The following ATAD1 variants were observed in gnomAD, a reference collection of about 807,000 sequenced individuals.
ATAD1 encodes ATPase family AAA domain containing 1.
ATAD1 carries 18 observed loss-of-function variants against 42.7 expected under a neutral mutation model. The observed-to-expected ratio is 0.42, with a 90% CI of 0.29 to 0.63. ATAD1 has a LOEUF of 0.63. ATAD1 is among the 20% of genes least tolerant of loss of function. The pLI is 0.19. For synonymous variants in ATAD1, 132 were observed against 143.1 expected, an observed-to-expected ratio of 0.92 and a Z score of 0.55; for missense variants, 294 against 440.4, an observed-to-expected ratio of 0.67 and a Z score of 2.98.
upstream of ATAD1, among the ~76,000 whole-genome samples, chr10:87,821,721 G>T (rs755825757): frequency 1.3e-5 from 2 of 152,186 alleles, no homozygotes; most frequent in Non-Finnish European, 2.9e-5. Flanking sequence ...GAAGGTGTCT[G>T]TCTGCAAGCC....
intron 9 of ATAD1, 110 bp downstream of exon 9, chr10:87,756,679 A>G: frequency 9.1e-7 from 1 of 1,095,426 alleles, no homozygotes; most frequent in Non-Finnish European, 1.2e-6. Context: ...ATCCAAATTT[A>G]CCTTTTATTT....
chr10:87,783,843 T>A (rs1356718259), intron 5 of ATAD1, among the ~76,000 whole-genome samples: 1 of 151,630 alleles, frequency 6.6e-6, no homozygotes, highest in Non-Finnish European at 1.5e-5. Flanking sequence ...TTTATGGGGA[T>A]AGTGAAGGTA....
At chr10:87,800,191 T>C (rs1487548497) in intron 2 of ATAD1, among the ~76,000 whole-genome samples, 1 of 152,078 alleles carries the variant, frequency 6.6e-6, no homozygotes, top group Non-Finnish European at 1.5e-5. Context: ...TGTCTATATA[T>C]ATATACACAC....
intron 2 of ATAD1, among the ~76,000 whole-genome samples, chr10:87,798,168 G>A (rs1197037895): frequency 6.6e-6 from 1 of 152,174 alleles, no homozygotes; most frequent in Non-Finnish European, 1.5e-5. Flanking sequence ...ACCAAGACAT[G>A]TAAGAGGGCA....
At chr10:87,771,551 T>C (rs975082381) in intron 6 of ATAD1, among the ~76,000 whole-genome samples, 1 of 152,140 alleles carries the variant, frequency 6.6e-6, no homozygotes, top group Non-Finnish European at 1.5e-5. Flanking sequence ...TTTCTCTATA[T>C]TTCACATCAT....
intron 2 of ATAD1, 125 bp downstream of exon 2, chr10:87,814,313 C>T: frequency 1.3e-6 from 1 of 784,726 alleles, no homozygotes; most frequent in Non-Finnish European, 1.9e-6. Context: ...CTATGAGTAC[C>T]AATACATTTT....
chr10:87,776,671 T>A (rs1273017243), intron 5 of ATAD1, among the ~76,000 whole-genome samples: 1 of 152,014 alleles, frequency 6.6e-6, no homozygotes, highest in Non-Finnish European at 1.5e-5. Context: ...AGGTTGACTA[T>A]GTTGTCAAGG....
chr10:87,801,267 T>C (rs1475296061), intron 2 of ATAD1, among the ~76,000 whole-genome samples: 1 of 152,246 alleles, frequency 6.6e-6, no homozygotes, highest in Non-Finnish European at 1.5e-5. Context: ...CAATGACCTG[T>C]AGTATGAAGT....
chr10:87,789,669 C>T (rs1287189309), intron 4 of ATAD1, among the ~76,000 whole-genome samples: 1 of 151,956 alleles, frequency 6.6e-6, no homozygotes, highest in Non-Finnish European at 1.5e-5. Flanking sequence ...TTGCAGTGAG[C>T]CAAGATCATG....
Position 87,814,446 on chromosome 10 carries a change from G to A in ATAD1, c.154C>T (p.Gln52Ter). 1 of 1,591,336 alleles carries A rather than the reference G, an allele frequency of 6.3e-7. No homozygotes were observed. Among genetic ancestry groups the A allele is most frequent in the Non-Finnish European group, 8.6e-7 (1 of 1,169,366 alleles). Residue 52 changes from glutamine to a stop codon, truncating the protein, a stop_gained, in exon 2 of 10, where the codon CAG becomes TAG. Transcript: ENST00000680024. LOFTEE classifies it high-confidence loss of function. ...AAACATTTCAATCATACCTGTTTCTGAGCTTCTACTTTTTGCTTTCTGGTT... is the reference window on the plus strand; with the variant it reads ...AAACATTTCAATCATACCTGTTTCTAAGCTTCTACTTTTTGCTTTCTGGTT... ...DPTRKQKVEA[Q>*]KQAEKLMKQI...
chr10:87,820,440 A>C (rs149580614), upstream of ATAD1, among the ~76,000 whole-genome samples: 149 of 152,308 alleles, frequency 9.8e-4, 2 homozygotes, highest in East Asian at 2.9e-3. Flanking sequence ...TTTGCATGAG[A>C]CTAAAAGGTT....
intron 3 of ATAD1, 34 bp downstream of exon 3, chr10:87,792,623 T>G: frequency 6.1e-4 from 491 of 805,452 alleles, no homozygotes; most frequent in Non-Finnish European, 8.7e-4. Flanking sequence ...CCCCCACCTC[T>G]AAAAAAATCT....
Position 87,784,021 on chromosome 10 carries a change from G to A in ATAD1, c.583+449C>T, listed in dbSNP as rs7902457. ...CTACAAATAACTCCAAAGAAATATT[G>A]ACAATTCACAAATAAGAAAACCCAA... On this transcript the variant is annotated intron_variant, in intron 5 of 9. Coordinates refer to ENST00000680024, the MANE Select transcript of ATAD1 (RefSeq NM_001321967.2). Among the ~76,000 whole-genome samples, 1,113 of 151,718 alleles carry A rather than the reference G, an allele frequency of 7.3e-3. 10 individuals carry two copies. Among genetic ancestry groups the A allele is most frequent in the African/African-American group, 0.026 (1,066 of 41,402 alleles).
At chr10:87,779,680 A>C (rs1855478422) in intron 5 of ATAD1, among the ~76,000 whole-genome samples, 1 of 152,258 alleles carries the variant, frequency 6.6e-6, no homozygotes, top group Non-Finnish European at 1.5e-5. Flanking sequence ...CAGACACCTC[A>C]ACAAAGATAC....
At chr10:87,798,530 T>C (rs1856510077) in intron 2 of ATAD1, among the ~76,000 whole-genome samples, 2 of 151,764 alleles carry the variant, frequency 1.3e-5, no homozygotes, top group Admixed American at 6.6e-5. Flanking sequence ...TAAAAACCAC[T>C]GTTTGGATCT....
intron 2 of ATAD1, among the ~76,000 whole-genome samples, chr10:87,807,278 C>T (rs1166017706): frequency 6.6e-6 from 1 of 152,094 alleles, no homozygotes; most frequent in Non-Finnish European, 1.5e-5. Context: ...TATGAGCACT[C>T]TTGTATGTAT....
At chr10:87,805,908 T>C (rs1856900693) in intron 2 of ATAD1, among the ~76,000 whole-genome samples, 1 of 152,120 alleles carries the variant, frequency 6.6e-6, no homozygotes, top group Non-Finnish European at 1.5e-5. Context: ...TCTTAGATCA[T>C]ATTCCTCATG....
At chr10:87,796,132 T>C (rs1175590978) in intron 2 of ATAD1, among the ~76,000 whole-genome samples, 1 of 152,220 alleles carries the variant, frequency 6.6e-6, no homozygotes, top group East Asian at 1.9e-4. Context: ...CTTCTACACA[T>C]GTGGAAACAG....
chr10:87,838,900 G>A (rs1001380342), intron 1 of ATAD1, among the ~76,000 whole-genome samples: 13 of 152,120 alleles, frequency 8.5e-5, no homozygotes, highest in Admixed American at 2.6e-4. Flanking sequence ...TGCTGTTTTC[G>A]CCATTCAGTC....
Sources: gnomAD v4.1 joint callset for allele counts (sites outside exome capture counted in the v4.1 genomes callset) on GRCh38, gnomAD v4.1.1 for gene constraint, MANE v1.5 for transcripts, NCBI Gene and HGNC (gene_info 2026-07-23, HGNC 2026-07-21) for gene names.